The following EMG1 variants were observed in gnomAD, a reference collection of about 807,000 sequenced individuals.
The protein encoded by EMG1 is ribosomal RNA small subunit methyltransferase NEP1.
Under a neutral mutation model 26.9 loss-of-function variants are expected in EMG1, and 24 were observed. That is an observed-to-expected ratio of 0.89 (90% CI 0.65 to 1.26). The LOEUF (loss-of-function observed/expected upper bound fraction) is 1.26, where lower values mean the gene tolerates loss of function less well. EMG1 is among the 50% of genes most tolerant of loss of function. EMG1 has a pLI of 0.00. For missense variants in EMG1, 299 were observed against 307.6 expected, an observed-to-expected ratio of 0.97 and a Z score of 0.21; for synonymous variants, 140 against 112.6, an observed-to-expected ratio of 1.24 and a Z score of -1.54.
chr12:6,983,812 T>A (rs782136036), downstream of EMG1, among the ~76,000 whole-genome samples: 28 of 152,336 alleles, frequency 1.8e-4, 1 homozygote, highest in South Asian at 1.9e-3. Context: ...GCTTATGAAC[T>A]ATTGCCAGAC....
Position 6,979,337 on chromosome 12 carries a change from T to G in EMG1, c.*3528T>G. 1 of 682,862 alleles carries G rather than the reference T, an allele frequency of 1.5e-6. No individual in the cohort carries two copies. The highest frequency in any genetic ancestry group is 1.8e-5 in the South Asian group (1 of 55,468). 42.3% of individuals were successfully genotyped at this position (682,862 alleles called of 1,614,324 possible). On this transcript the variant is annotated 3_prime_UTR_variant, in exon 6 of 6. Coordinates refer to ENST00000599672, the MANE Select transcript of EMG1 (RefSeq NM_006331.8). ...TCCCAGCACGGCTGGCATTGACAAC[T>G]CACAGATCTAGAGCAAAACCAACAT... is the stretch of plus-strand genomic sequence containing the variant.
At chr12:6,990,222 A>T (rs1201426883), downstream of EMG1, among the ~76,000 whole-genome samples, 7 of 151,334 alleles carry the variant, frequency 4.6e-5, no homozygotes, top group Admixed American at 2.0e-4. Context: ...AAATAAAAAA[A>T]ATATAAGCGG....
chr12:6,988,874 C>G (rs1946558203), downstream of EMG1, among the ~76,000 whole-genome samples: 1 of 152,142 alleles, frequency 6.6e-6, no homozygotes, highest in Non-Finnish European at 1.5e-5. Context: ...CGCCTGTAAT[C>G]CCAGCACTTT....
rs782016119 is a variant in EMG1, at chr12:6,971,082, G to A, written c.159G>A (p.Glu53=). Residue 53 remains glutamate, a synonymous_variant, in exon 1 of 6, where the codon GAG becomes GAA. Transcript: ENST00000599672. ...LIVVLEGASL[E]TVKVGKTYEL... is the part of the protein sequence containing the mutation. ...TGGTGCTGGAAGGGGCCAGTCTGGA[G>A]ACAGTCAAGGTAGTTTGGGACAGGA... 7 of 1,610,310 alleles carry A rather than the reference G, an allele frequency of 4.3e-6. No individual in the cohort carries two copies. Among genetic ancestry groups the A allele is most frequent in the African/African-American group, 1.3e-5 (1 of 74,840 alleles).
Position 6,974,389 on chromosome 12 carries a change from G to A in EMG1, c.219G>A (p.Leu73=), listed in dbSNP as rs782172949. 11 of 1,613,732 alleles carry A rather than the reference G, an allele frequency of 6.8e-6. No homozygotes were observed. The East Asian group carries it at 1.1e-4, about 16-fold the overall frequency. ...LLNCDKHKSI[L]LKNGRDPGEA... The stretch of plus-strand genomic sequence containing the variant: ...ACTGTGACAAGCACAAGTCTATATT[G>A]TTGAAGAATGGACGGGACCCTGGGG... Residue 73 remains leucine, a synonymous_variant, in exon 2 of 6, where the codon TTG becomes TTA. Transcript: ENST00000599672.
intron 6 of EMG1, among the ~76,000 whole-genome samples, chr12:6,985,425 CTG>C (rs1340585493): frequency 6.6e-6 from 1 of 151,108 alleles, no homozygotes; most frequent in Non-Finnish European, 1.5e-5. Context: ...AAACAAAAAA[CTG>C]TACTGGCTGG....
chr12:6,981,420 C>A (rs1946469881), downstream of EMG1: 2 of 750,876 alleles, frequency 2.7e-6, no homozygotes, highest in Admixed American at 2.3e-5. Context: ...AGAGCTGGAT[C>A]CTGGGCAAAT....
At chr12:6,993,989 G>T (rs782474005) in intron 7 of EMG1, among the ~76,000 whole-genome samples, 1 of 152,162 alleles carries the variant, frequency 6.6e-6, no homozygotes, top group East Asian at 1.9e-4. Flanking sequence ...ACATTATGAA[G>T]AATGCTGCTA....
chr12:6,988,119 C>T, intron 7 of EMG1: 1 of 271,618 alleles, frequency 3.7e-6, no homozygotes, highest in Non-Finnish European at 6.8e-6. Flanking sequence ...GGCCTGGTAA[C>T]ATCTGTTCTG....
intron 1 of EMG1, among the ~76,000 whole-genome samples, chr12:6,971,689 C>T (rs895412752): frequency 1.3e-5 from 2 of 152,182 alleles, no homozygotes; most frequent in African/African-American, 4.8e-5. Context: ...AGGAAAGTTT[C>T]GTTCCTTGCG....
At chr12:6,986,736 T>C (rs1375952827) in intron 6 of EMG1, among the ~76,000 whole-genome samples, 1 of 147,044 alleles carries the variant, frequency 6.8e-6, no homozygotes, top group Admixed American at 6.9e-5. Flanking sequence ...TGAGCAGAGA[T>C]TGCAGTGAGC....
downstream of EMG1, among the ~76,000 whole-genome samples, chr12:6,989,867 GT>G (rs76175052): frequency 3.9e-5 from 6 of 152,226 alleles, no homozygotes; most frequent in East Asian, 1.2e-3. Flanking sequence ...GAAATGGACT[GT>G]TTCCATTAAG....
In EMG1 at chr12:6,978,386, C is replaced by G; in HGVS notation, c.*2577C>G. 6.2e-7 allele frequency: 1 copy of G among 1,613,588 alleles called. No homozygotes were observed. The highest frequency in any genetic ancestry group is 8.5e-7 in the Non-Finnish European group (1 of 1,179,850). ...GTTGATGTTGAATGAGGCAATGGTG[C>G]CAGTGAAGCGGGGGTTTGTTTCAAA... On this transcript the variant is annotated 3_prime_UTR_variant, in exon 6 of 6. Transcript: ENST00000599672.
In EMG1 at chr12:6,978,418, C is replaced by G; in HGVS notation, c.*2609C>G. 6.2e-7 allele frequency: 1 copy of G among 1,614,116 alleles called. No individual in the cohort carries two copies. On this transcript the variant is annotated 3_prime_UTR_variant, in exon 6 of 6. Transcript: ENST00000599672. ...AGCGGGGGTTTGTTTCAAAGAGCCA[C>G]ACCTTCATGTTGGCACAGGCATCCC...
rs1946432384 is a variant in EMG1 at position 6,978,286 on chromosome 12, T to C, written c.*2477T>C. The C allele has an allele frequency of 5.1e-6, 8 of 1,556,970 alleles. No individual in the cohort carries two copies. The highest frequency in any genetic ancestry group is 7.0e-6 in the Non-Finnish European group (8 of 1,150,550). ...CATGGTACACCCCTGCCCTCCAATC[T>C]GGGAAGACAGTGGAAGGAAGGAACC... On this transcript the variant is annotated 3_prime_UTR_variant, in exon 6 of 6. Transcript: ENST00000599672.
At chr12:6,981,504 G>A (rs987939802), downstream of EMG1, 9 of 1,276,662 alleles carry the variant, frequency 7.0e-6, no homozygotes, top group Admixed American at 1.7e-5. Flanking sequence ...GAGAGGCTCC[G>A]CTCTGGAATT....
At chr12:6,989,756 C>G (rs1408262056), downstream of EMG1, among the ~76,000 whole-genome samples, 3 of 152,182 alleles carry the variant, frequency 2.0e-5, no homozygotes, top group African/African-American at 7.2e-5. Context: ...CCAGATCTAT[C>G]ACAACGTGCA....
chr12:6,987,123 A>G lies in EMG1; in HGVS notation c.*155-659A>G, dbSNP rs1452219570. Among the ~76,000 whole-genome samples, 1 of 151,036 alleles carries G rather than the reference A, an allele frequency of 6.6e-6. No homozygotes were observed. Among genetic ancestry groups the G allele is most frequent in the African/African-American group, 2.5e-5 (1 of 40,676 alleles). On this transcript the variant is annotated intron_variant and NMD_transcript_variant, in intron 6 of 7. Transcript: ENST00000261406. This position sits in a 1 kb window ranked among gnomAD's most constrained non-coding sequence, Gnocchi z 4.1. ...CAAGATTCTGTCTCAAAAAAAAAAGAAAAAAAAGTTTTATGAGGATTTTTG... is the reference window on the plus strand; with the variant it reads ...CAAGATTCTGTCTCAAAAAAAAAAGGAAAAAAAGTTTTATGAGGATTTTTG...
chr12:6,975,762 T>C lies in EMG1; in HGVS notation c.688T>C (p.Cys230Arg), dbSNP rs369750549. 1 of 1,613,536 alleles carries C rather than the reference T, an allele frequency of 6.2e-7. No individual in the cohort carries two copies. The highest frequency in any genetic ancestry group is 8.5e-7 in the Non-Finnish European group (1 of 1,179,448). ...SNYPLSAALTCAKLTTAFEEV... is the reference protein window; with the variant it reads ...SNYPLSAALTRAKLTTAFEEV... ...CTACCCCCTTTCTGCTGCCCTCACC[T>C]GTGCAAAACTTACCACAGCCTTTGA... Residue 230 changes from cysteine to arginine, a missense_variant, in exon 6 of 6, where the codon TGT becomes CGT. Physicochemically the swap from Cys to Arg is radical, Grantham distance 180 (BLOSUM62 -3). Coordinates refer to ENST00000599672, the MANE Select transcript of EMG1 (RefSeq NM_006331.8).
Sources: allele counts gnomAD v4.1 joint callset (sites outside exome capture counted in the v4.1 genomes callset), GRCh38; gene constraint gnomAD v4.1.1; non-coding constraint Gnocchi (gnomAD v3.1); transcripts MANE v1.5; gene names NCBI Gene and HGNC (gene_info 2026-07-23, HGNC 2026-07-21).